The following OPCML variants were observed in gnomAD, a reference collection of about 807,000 sequenced individuals.
OPCML encodes the protein opioid-binding protein/cell adhesion molecule.
In OPCML, 13 loss-of-function variants were observed where a neutral mutation model predicts 37.8. That is an observed-to-expected ratio of 0.34 (90% confidence interval 0.22 to 0.55). OPCML has a LOEUF of 0.55. Ranked by LOEUF, OPCML falls within the 20% of genes least tolerant of loss-of-function variation. The pLI is 0.91. For synonymous variants in OPCML, 176 were observed against 168.8 expected, an observed-to-expected ratio of 1.04 and a Z score of -0.33; for missense variants, 341 against 435.6, an observed-to-expected ratio of 0.78 and a Z score of 1.93.
At chr11:133,089,364 T>C (rs955164351) in intron 1 of OPCML, among the ~76,000 whole-genome samples, 3 of 152,264 alleles carry the variant, frequency 2.0e-5, no homozygotes, top group African/African-American at 7.2e-5. Flanking sequence ...TTTACTTACC[T>C]AGATAAATGT....
chr11:132,899,400 A>G (rs1366672547), intron 2 of OPCML, among the ~76,000 whole-genome samples: 1 of 152,168 alleles, frequency 6.6e-6, no homozygotes, highest in African/African-American at 2.4e-5. Context: ...ATATCAGTAT[A>G]TATGTGTTGT....
At chr11:132,501,223 A>G (rs2096244819) in intron 4 of OPCML, among the ~76,000 whole-genome samples, 1 of 152,238 alleles carries the variant, frequency 6.6e-6, no homozygotes, top group South Asian at 2.1e-4. Context: ...TTATACAAAA[A>G]TTAACCCAAG....
intron 2 of OPCML, among the ~76,000 whole-genome samples, chr11:132,829,945 T>G (rs1297485823): frequency 6.6e-6 from 1 of 152,160 alleles, no homozygotes; most frequent in East Asian, 1.9e-4. Context: ...TATTGTGTAT[T>G]GGTAACCCAG....
intron 1 of OPCML, among the ~76,000 whole-genome samples, chr11:133,407,991 C>A (rs1035111887): frequency 6.6e-6 from 1 of 152,080 alleles, no homozygotes; most frequent in Non-Finnish European, 1.5e-5. Flanking sequence ...GTTTGCTTAG[C>A]AATTTGCCGT....
chr11:133,107,067 C>T (rs1400542957), intron 1 of OPCML, among the ~76,000 whole-genome samples: 2 of 152,216 alleles, frequency 1.3e-5, no homozygotes, highest in Non-Finnish European at 2.9e-5. Context: ...ATGAATAATA[C>T]TTGGATCAAC....
At chr11:133,442,725 ACG>A (rs1491431422) in intron 1 of OPCML, among the ~76,000 whole-genome samples, 1 of 94,280 alleles carries the variant, frequency 1.1e-5, no homozygotes, top group African/African-American at 4.6e-5. Flanking sequence ...ACATATTTAA[ACG>A]TGTGTGTGTG....
At chr11:133,500,019 G>T (rs1646490574) in intron 1 of OPCML, among the ~76,000 whole-genome samples, 1 of 151,204 alleles carries the variant, frequency 6.6e-6, no homozygotes. Context: ...TTACAGGCAT[G>T]TGCCACCACA....
chr11:132,846,263 T>G (rs1315169270), intron 2 of OPCML, among the ~76,000 whole-genome samples: 1 of 152,166 alleles, frequency 6.6e-6, no homozygotes, highest in African/African-American at 2.4e-5. Flanking sequence ...CACATAAAAC[T>G]TAACCAGCAA....
At chr11:132,868,580 A>G (rs984569517) in intron 2 of OPCML, among the ~76,000 whole-genome samples, 1 of 152,132 alleles carries the variant, frequency 6.6e-6, no homozygotes, top group African/African-American at 2.4e-5. Context: ...GTGAAGTCCA[A>G]TCTAAGCTGT....
At chr11:133,390,412 G>A (rs1055453659) in intron 1 of OPCML, among the ~76,000 whole-genome samples, 4 of 152,270 alleles carry the variant, frequency 2.6e-5, no homozygotes, top group African/African-American at 7.2e-5. Flanking sequence ...GCAGCGAGCC[G>A]AGATCGCGCC....
intron 3 of OPCML, among the ~76,000 whole-genome samples, chr11:132,590,303 T>C (rs768253144): frequency 4.3e-4 from 65 of 152,226 alleles, no homozygotes; most frequent in Non-Finnish European, 8.1e-4. Context: ...CATGGGTAAA[T>C]GAATGGAAGG....
chr11:133,204,878 A>ATATATATATATATATATATGTGTG (rs1938977559), intron 1 of OPCML, among the ~76,000 whole-genome samples: 2 of 25,952 alleles, frequency 7.7e-5, no homozygotes, highest in African/African-American at 1.6e-4. Flanking sequence ...GTATATATAT[A>ATATATATATATATATATATGTGTG]TATATATATA....
chr11:132,443,904 G>A (rs540696522), intron 4 of OPCML, among the ~76,000 whole-genome samples: 6 of 152,316 alleles, frequency 3.9e-5, no homozygotes, highest in Middle Eastern at 3.4e-3. Flanking sequence ...ACTGAGCTAT[G>A]AGCAGATCAA....
At chr11:133,038,189 C>T (rs543085557) in intron 1 of OPCML, among the ~76,000 whole-genome samples, 11 of 152,310 alleles carry the variant, frequency 7.2e-5, no homozygotes, top group African/African-American at 2.2e-4. Flanking sequence ...GAGCCCTGGG[C>T]GCTGGCCCTG....
intron 2 of OPCML, among the ~76,000 whole-genome samples, chr11:132,682,233 G>C (rs1207909675): frequency 6.6e-6 from 1 of 152,152 alleles, no homozygotes; most frequent in Non-Finnish European, 1.5e-5. Context: ...CCCTCGTCAT[G>C]AGGCCTGGGA....
At chr11:132,939,821 C>T (rs1310790919) in intron 2 of OPCML, among the ~76,000 whole-genome samples, 2 of 152,138 alleles carry the variant, frequency 1.3e-5, no homozygotes, top group East Asian at 3.9e-4. Context: ...TGCAGAGCCA[C>T]AGAACATTTT....
chr11:132,704,237 A>G (rs534393832), intron 2 of OPCML, among the ~76,000 whole-genome samples: 1 of 152,366 alleles, frequency 6.6e-6, no homozygotes, highest in Admixed American at 6.5e-5. Flanking sequence ...CAAATGGGCA[A>G]GCAAGGATTC....
chr11:132,712,881 CT>C (rs1944323892), intron 2 of OPCML, among the ~76,000 whole-genome samples: 1 of 152,118 alleles, frequency 6.6e-6, no homozygotes, highest in African/African-American at 2.4e-5. Flanking sequence ...ACATTTAAAA[CT>C]TTTGCTAGCC....
chr11:132,868,412 C>A (rs1052915472), intron 2 of OPCML, among the ~76,000 whole-genome samples: 2 of 150,186 alleles, frequency 1.3e-5, no homozygotes, highest in Middle Eastern at 3.2e-3. Context: ...GGTGATTGAA[C>A]CCTGAACAGT....
Sources: gnomAD v4.1 joint callset for allele counts (sites outside exome capture counted in the v4.1 genomes callset) on GRCh38, gnomAD v4.1.1 for gene constraint, MANE v1.5 for transcripts, NCBI Gene and HGNC (gene_info 2026-07-23, HGNC 2026-07-21) for gene names.